Variants in NDUFA5 observed in about 807,000 individuals in gnomAD.
NDUFA5 encodes NADH:ubiquinone oxidoreductase subunit A5.
In NDUFA5, 11 loss-of-function variants were observed where a neutral mutation model predicts 19.8. That is an observed-to-expected ratio of 0.56 (90% CI 0.35 to 0.92). NDUFA5 has a LOEUF of 0.92. Ranked by LOEUF, NDUFA5 falls within the 40% of genes least tolerant of loss-of-function variation. The probability of loss-of-function intolerance (pLI) is 0.01; values close to 1 mark genes in which losing one functional copy is unlikely to be tolerated. For synonymous variants in NDUFA5, 47 were observed against 46.8 expected (o/e 1.00, Z -0.01); for missense variants, 109 against 134.2 (o/e 0.81, Z 0.93).
chr7:123,562,375 G>A (rs1041560908), upstream of NDUFA5, among the ~76,000 whole-genome samples: 4 of 152,180 alleles, frequency 2.6e-5, no homozygotes, highest in African/African-American at 9.7e-5. Context: ...GCCAGGTGTT[G>A]ACTTGTCCTC....
chr7:123,549,060 A>G (rs1798239605), intron 3 of NDUFA5, among the ~76,000 whole-genome samples: 1 of 152,242 alleles, frequency 6.6e-6, no homozygotes, highest in South Asian at 2.1e-4. Flanking sequence ...GAGGATGTGC[A>G]TAGGTTATAT....
the NDUFA5 span, among the ~76,000 whole-genome samples, chr7:123,593,292 G>A: frequency 6.6e-6 from 1 of 152,122 alleles, no homozygotes; most frequent in African/African-American, 2.4e-5. Flanking sequence ...ATATTGTTAT[G>A]TGTGAGTTTG....
chr7:123,597,642 G>A, the NDUFA5 span, among the ~76,000 whole-genome samples: 1 of 151,998 alleles, frequency 6.6e-6, no homozygotes, highest in Admixed American at 6.6e-5. Flanking sequence ...GACCAGCTTG[G>A]CCAACATGGT....
chr7:123,554,176 G>A lies in NDUFA5; in HGVS notation c.66+3228C>T, dbSNP rs139296212. ...ATACATACCAGAGTTGGAAAATTTAGTATGAAGAAAAACACTATAAAATAC... is the reference window on the plus strand; with the variant it reads ...ATACATACCAGAGTTGGAAAATTTAATATGAAGAAAAACACTATAAAATAC... On this transcript the variant is annotated intron_variant, in intron 2 of 4. Coordinates refer to ENST00000355749, the MANE Select transcript of NDUFA5 (RefSeq NM_005000.5). Among the ~76,000 whole-genome samples, 828 of 152,168 alleles carry A rather than the reference G, an allele frequency of 5.4e-3. 4 individuals carry two copies. The highest frequency in any genetic ancestry group is 0.019 in the African/African-American group (773 of 41,494).
At chr7:123,547,182 T>C (rs953420059) in intron 3 of NDUFA5, among the ~76,000 whole-genome samples, 12 of 152,136 alleles carry the variant, frequency 7.9e-5, no homozygotes, top group Admixed American at 7.9e-4. Flanking sequence ...GTCCCTGATG[T>C]TGATTTCCAA....
chr7:123,553,577 A>C (rs1798434836), intron 2 of NDUFA5, among the ~76,000 whole-genome samples: 1 of 152,204 alleles, frequency 6.6e-6, no homozygotes, highest in African/African-American at 2.4e-5. Context: ...AAAATGATAA[A>C]AAGAAAAAAT....
the NDUFA5 span, among the ~76,000 whole-genome samples, chr7:123,581,361 G>T: frequency 6.7e-6 from 1 of 149,530 alleles, no homozygotes; most frequent in Non-Finnish European, 1.5e-5. Flanking sequence ...CCCTTCTTGG[G>T]CATTGTGAGA....
the NDUFA5 span, among the ~76,000 whole-genome samples, chr7:123,571,883 G>A: frequency 6.6e-6 from 1 of 152,028 alleles, no homozygotes; most frequent in South Asian, 2.1e-4. Flanking sequence ...TCCTGTTTCA[G>A]CCTCCTGAGT....
Position 123,550,591 on chromosome 7 carries a change from A to G in NDUFA5, c.67-5T>C, listed in dbSNP as rs201179654. ...TGTGTACAATATTCTTAGCCTCTGA[A>G]AAGACAAACCATACAAATTTCCATA... On this transcript the variant is annotated splice_polypyrimidine_tract_variant and splice_region_variant and intron_variant, in intron 2 of 4. Transcript: ENST00000355749. 4.6e-6 allele frequency: 7 copies of G among 1,536,994 alleles called. No homozygotes were observed. Among genetic ancestry groups the G allele is most frequent in the Non-Finnish European group, 5.4e-6 (6 of 1,115,830 alleles).
chr7:123,563,313 C>T, the NDUFA5 span, among the ~76,000 whole-genome samples: 1 of 152,104 alleles, frequency 6.6e-6, no homozygotes, highest in Non-Finnish European at 1.5e-5. Flanking sequence ...CACATGAACA[C>T]TTAAAGGCCA....
At chr7:123,547,416 C>A (rs1234427252) in intron 3 of NDUFA5, among the ~76,000 whole-genome samples, 2 of 150,388 alleles carry the variant, frequency 1.3e-5, no homozygotes, top group African/African-American at 2.4e-5. Flanking sequence ...TTCTTTTGGT[C>A]TCCCATCACT....
At chr7:123,590,020 C>T in the NDUFA5 span, among the ~76,000 whole-genome samples, 1 of 152,024 alleles carries the variant, frequency 6.6e-6, no homozygotes, top group East Asian at 1.9e-4. Context: ...TTCTAACTGG[C>T]ATGAGATGGT....
upstream of NDUFA5, among the ~76,000 whole-genome samples, chr7:123,562,804 T>C (rs1798705465): frequency 6.6e-6 from 1 of 150,788 alleles, no homozygotes; most frequent in African/African-American, 2.4e-5. Context: ...CTTTCTTTTT[T>C]TTTTTTTTTT....
At chr7:123,580,712 C>T in the NDUFA5 span, among the ~76,000 whole-genome samples, 1 of 151,924 alleles carries the variant, frequency 6.6e-6, no homozygotes, top group African/African-American at 2.4e-5. Context: ...TCCAGTCTCC[C>T]CATAACCTCA....
At chr7:123,566,602 A>G in the NDUFA5 span, among the ~76,000 whole-genome samples, 2 of 152,212 alleles carry the variant, frequency 1.3e-5, no homozygotes, top group African/African-American at 4.8e-5. Context: ...ATCATCCACA[A>G]TTATAATTTA....
At chr7:123,554,515 C>T (rs1798466945) in intron 2 of NDUFA5, among the ~76,000 whole-genome samples, 1 of 135,912 alleles carries the variant, frequency 7.4e-6, no homozygotes, top group Admixed American at 7.0e-5. Flanking sequence ...AACTATGTGC[C>T]GTTCAAAGTA....
chr7:123,571,914 C>T, the NDUFA5 span, among the ~76,000 whole-genome samples: 3 of 151,922 alleles, frequency 2.0e-5, no homozygotes, highest in Admixed American at 1.3e-4. Context: ...ACACCACAGG[C>T]ATGCACCATC....
chr7:123,568,835 A>G, the NDUFA5 span, among the ~76,000 whole-genome samples: 1 of 152,330 alleles, frequency 6.6e-6, no homozygotes, highest in East Asian at 1.9e-4. Flanking sequence ...TAATTTAGAT[A>G]TAGAATGAGA....
chr7:123,575,104 G>A, the NDUFA5 span, among the ~76,000 whole-genome samples: 2 of 144,928 alleles, frequency 1.4e-5, no homozygotes, highest in Admixed American at 6.9e-5. Flanking sequence ...TCTTTGCCTA[G>A]GCAGGCTGTT....
Sources: gnomAD v4.1 joint callset for allele counts (sites outside exome capture counted in the v4.1 genomes callset) on GRCh38, gnomAD v4.1.1 for gene constraint, MANE v1.5 for transcripts, NCBI Gene and HGNC (gene_info 2026-07-23, HGNC 2026-07-21) for gene names.